CWC27: variants seen among roughly 807,000 people sequenced by gnomAD.
CWC27 encodes CWC27 spliceosome associated cyclophilin.
A neutral mutation model predicts 63.6 loss-of-function variants in CWC27; 47 were observed. The ratio of observed to expected loss-of-function variants is 0.74; its 90% CI spans 0.58 to 0.94. The LOEUF is 0.94. Ranked by LOEUF, CWC27 falls within the 40% of genes least tolerant of loss-of-function variation. CWC27 has a pLI of 0.00. For synonymous variants in CWC27, 175 were observed against 179.8 expected (o/e 0.97, Z 0.22); for missense variants, 495 against 554.3 (o/e 0.89, Z 1.07).
intron 11 of CWC27, among the ~76,000 whole-genome samples, chr5:64,891,704 AATTCACAT>A (rs1482422158): frequency 1.3e-5 from 2 of 152,146 alleles, no homozygotes; most frequent in Admixed American, 1.3e-4. Flanking sequence ...AATTCTAACC[AATTCACAT>A]ATTTTTATGT....
chr5:65,000,515 T>C (rs768718012), intron 13 of CWC27, among the ~76,000 whole-genome samples: 1 of 152,090 alleles, frequency 6.6e-6, no homozygotes, highest in African/African-American at 2.4e-5. Flanking sequence ...TGATGAGAGA[T>C]GGAGGTCTAG....
rs181709452 is a variant in CWC27 at position 64,909,401 on chromosome 5, C to T, written c.1042+23855C>T. On this transcript the variant is annotated intron_variant, in intron 11 of 13. Transcript: ENST00000381070. ...TTCATTTCAACCTTGGTGAATCTGA[C>T]GATTATGTGTCTTGGGGTTGTTCTT... Among the ~76,000 whole-genome samples the T allele has an allele frequency of 1.4e-3, 216 of 152,158 alleles. 1 individual carries two copies. The highest frequency in any genetic ancestry group is 4.0e-3 in the African/African-American group (166 of 41,496).
At chr5:64,976,213 G>C (rs1472225128) in intron 12 of CWC27, among the ~76,000 whole-genome samples, 1 of 152,022 alleles carries the variant, frequency 6.6e-6, no homozygotes, top group Admixed American at 6.5e-5. Flanking sequence ...TGCACATCTT[G>C]TGCGTAAGCC....
chr5:64,885,739 T>TGTG (rs1427858737), intron 11 of CWC27, among the ~76,000 whole-genome samples, 193 bp downstream of exon 11: 287 of 24,304 alleles, frequency 0.012, 3 homozygotes, highest in African/African-American at 0.025. Context: ...GTGTGTGTGT[T>TGTG]TTTAATACTT....
intron 10 of CWC27, among the ~76,000 whole-genome samples, chr5:64,869,827 TAG>T (rs937317586): frequency 2.5e-4 from 38 of 152,082 alleles, no homozygotes; most frequent in Admixed American, 1.8e-3. Context: ...TCTAGATGGC[TAG>T]AGAGGAAAGA....
chr5:64,991,467 G>A (rs900948800), intron 13 of CWC27, among the ~76,000 whole-genome samples: 2 of 152,260 alleles, frequency 1.3e-5, no homozygotes, highest in Non-Finnish European at 2.9e-5. Flanking sequence ...GCTCACGCCT[G>A]TAATCCCAGC....
intron 10 of CWC27, among the ~76,000 whole-genome samples, chr5:64,805,219 TA>T (rs958045840): frequency 2.4e-4 from 36 of 151,798 alleles, no homozygotes; most frequent in Non-Finnish European, 8.8e-5. Context: ...TGTAATCAAA[TA>T]AAAATGATTC....
intron 11 of CWC27, among the ~76,000 whole-genome samples, chr5:64,929,020 T>C (rs370659766): frequency 3.9e-5 from 6 of 152,054 alleles, no homozygotes; most frequent in African/African-American, 1.4e-4. Flanking sequence ...TTTATGTATA[T>C]GGTAAAGTTT....
intron 10 of CWC27, among the ~76,000 whole-genome samples, chr5:64,865,035 A>G (rs932137381): frequency 6.6e-6 from 1 of 152,038 alleles, no homozygotes; most frequent in Non-Finnish European, 1.5e-5. Flanking sequence ...AATGTTTAAG[A>G]TTATTTTTGA....
intron 10 of CWC27, among the ~76,000 whole-genome samples, chr5:64,880,312 C>G (rs1746905485): frequency 6.6e-6 from 1 of 151,952 alleles, no homozygotes; most frequent in African/African-American, 2.4e-5. Context: ...GAGCATAGAC[C>G]TGGAGTTCAG....
chr5:64,837,845 TTGAAA>T (rs1745696964), intron 10 of CWC27, among the ~76,000 whole-genome samples: 1 of 152,156 alleles, frequency 6.6e-6, no homozygotes, highest in Non-Finnish European at 1.5e-5. Context: ...ATTTTTGAAG[TTGAAA>T]ACTTTTCATA....
At chr5:64,885,047 A>C (rs548561898) in intron 10 of CWC27, among the ~76,000 whole-genome samples, 2 of 152,158 alleles carry the variant, frequency 1.3e-5, no homozygotes, top group East Asian at 3.9e-4. Flanking sequence ...CAGGAATTCA[A>C]CCATTTTTGA....
intron 11 of CWC27, among the ~76,000 whole-genome samples, chr5:64,969,119 T>A (rs964782757): frequency 2.0e-5 from 3 of 152,220 alleles, no homozygotes; most frequent in African/African-American, 7.2e-5. Context: ...AAAGGGACCG[T>A]GTTCAAGAAG....
chr5:64,875,504 A>G (rs1407222579), intron 10 of CWC27, among the ~76,000 whole-genome samples: 2 of 152,148 alleles, frequency 1.3e-5, no homozygotes, highest in African/African-American at 4.8e-5. Flanking sequence ...TAGAATTTCT[A>G]AGTATGTATG....
At chr5:64,918,712 A>G (rs746508084) in intron 11 of CWC27, among the ~76,000 whole-genome samples, 1 of 152,182 alleles carries the variant, frequency 6.6e-6, no homozygotes, top group Non-Finnish European at 1.5e-5. Context: ...AACAAATGTA[A>G]TGCAATCTTA....
At chr5:64,913,355 AATG>A (rs1451014361) in intron 11 of CWC27, among the ~76,000 whole-genome samples, 1 of 152,084 alleles carries the variant, frequency 6.6e-6, no homozygotes, top group East Asian at 1.9e-4. Flanking sequence ...TTATATTCAT[AATG>A]ATTTACTGGA....
chr5:64,936,255 T>A (rs1046009454), intron 11 of CWC27, among the ~76,000 whole-genome samples: 1 of 152,244 alleles, frequency 6.6e-6, no homozygotes, highest in East Asian at 1.9e-4. Context: ...GTAGCTGTTA[T>A]TATTTTGAGA....
chr5:64,769,298 G>A (rs1384572781), intron 1 of CWC27, 110 bp downstream of exon 1: 117 of 922,446 alleles, frequency 1.3e-4, no homozygotes, highest in Non-Finnish European at 7.1e-5. Context: ...GAGACCACGA[G>A]AAGTGTTGTC....
intron 11 of CWC27, among the ~76,000 whole-genome samples, chr5:64,887,225 C>T (rs1343736895): frequency 1.3e-5 from 2 of 151,892 alleles, no homozygotes; most frequent in Middle Eastern, 3.4e-3. Context: ...CTATATTAGA[C>T]ATAAGCAGTG....
Sources: gnomAD v4.1 joint callset for allele counts (sites outside exome capture counted in the v4.1 genomes callset) on GRCh38, gnomAD v4.1.1 for gene constraint, MANE v1.5 for transcripts, NCBI Gene and HGNC (gene_info 2026-07-23, HGNC 2026-07-21) for gene names.